Variants in VAV1 observed in about 807,000 individuals in gnomAD.
VAV1 encodes the protein vav guanine nucleotide exchange factor 1, also known as proto-oncogene vav.
A neutral mutation model predicts 128.1 loss-of-function variants in VAV1; 33 were observed. That is an observed-to-expected ratio of 0.26 (90% CI 0.20 to 0.34). The LOEUF is 0.34. Ranked by LOEUF, VAV1 falls within the 10% of genes least tolerant of loss-of-function variation. VAV1 has a pLI of 1.00. For synonymous variants in VAV1, 394 were observed against 409.8 expected (o/e 0.96, Z 0.47); for missense variants, 715 against 1,093.7 (o/e 0.65, Z 4.88).
At chr19:6,837,853 C>A (rs1385172389) in intron 21 of VAV1, among the ~76,000 whole-genome samples, 1 of 152,114 alleles carries the variant, frequency 6.6e-6, no homozygotes, top group African/African-American at 2.4e-5. Context: ...CATGCATAAC[C>A]AGAGCAAGAT....
chr19:6,806,606 T>C lies in VAV1; in HGVS notation c.205-14096T>C, dbSNP rs1335060309. Among the ~76,000 whole-genome samples, 3 of 152,200 alleles carry C rather than the reference T, an allele frequency of 2.0e-5. No individual in the cohort carries two copies. In the East Asian group the frequency reaches 5.8e-4, roughly 29 times the overall value. On this transcript the variant is annotated intron_variant, in intron 1 of 26. Coordinates refer to ENST00000602142, the MANE Select transcript of VAV1 (RefSeq NM_005428.4). Reference sequence around the variant, plus strand: ...TGCTCCAGACCGCCTAACCTCACTCTTGACCAACACAGCGGAGAGTAAATC... The same window carrying C: ...TGCTCCAGACCGCCTAACCTCACTCCTGACCAACACAGCGGAGAGTAAATC...
chr19:6,854,937 G>A (rs1027145695), intron 26 of VAV1, among the ~76,000 whole-genome samples: 1 of 152,198 alleles, frequency 6.6e-6, no homozygotes, highest in Non-Finnish European at 1.5e-5. Flanking sequence ...CCTGGGGTGA[G>A]AGGTGCCTAA....
At chr19:6,808,205 G>A (rs528146087) in intron 1 of VAV1, among the ~76,000 whole-genome samples, 5 of 151,582 alleles carry the variant, frequency 3.3e-5, no homozygotes, top group African/African-American at 1.2e-4. Context: ...CCAGCTACTC[G>A]AGAGGCTGAA....
chr19:6,826,020 G>C lies in VAV1; in HGVS notation c.828-592G>C, dbSNP rs1971908225. Among the ~76,000 whole-genome samples, 1 of 151,692 alleles carries C rather than the reference G, an allele frequency of 6.6e-6. No individual in the cohort carries two copies. Among genetic ancestry groups the C allele is most frequent in the South Asian group, 2.1e-4 (1 of 4,806 alleles). ...ATCATGCCACTGGACTCCAGCCTAGGCAACAGAGCAAGACTCTGTCTCAGA... is the reference window on the plus strand; with the variant it reads ...ATCATGCCACTGGACTCCAGCCTAGCCAACAGAGCAAGACTCTGTCTCAGA... On this transcript the variant is annotated intron_variant, in intron 8 of 26. Coordinates refer to ENST00000602142, the MANE Select transcript of VAV1 (RefSeq NM_005428.4). The surrounding 1 kb of genome is among the most constrained non-coding windows in gnomAD (Gnocchi z 4.1).
At chr19:6,802,720 G>C (rs776894914) in intron 1 of VAV1, among the ~76,000 whole-genome samples, 1 of 152,204 alleles carries the variant, frequency 6.6e-6, no homozygotes, top group African/African-American at 2.4e-5. Flanking sequence ...GGTTCAAAGA[G>C]GCAGTGTTGT....
intron 14 of VAV1, among the ~76,000 whole-genome samples, chr19:6,830,292 C>A (rs771052840): frequency 6.6e-6 from 1 of 151,966 alleles, no homozygotes; most frequent in East Asian, 1.9e-4. Context: ...CTCTTGACCC[C>A]GTGATCCACC....
intron 1 of VAV1, among the ~76,000 whole-genome samples, chr19:6,796,966 G>A (rs778528187): frequency 1.2e-4 from 18 of 152,250 alleles, no homozygotes; most frequent in Middle Eastern, 3.4e-3. Flanking sequence ...GGCCAGGCAC[G>A]GTGGCTCACA....
Position 6,822,569 on chromosome 19 carries a change from A to G in VAV1, c.654+55A>G. The G allele has an allele frequency of 2.0e-6, 3 of 1,499,212 alleles. No homozygotes were observed. Among genetic ancestry groups the G allele is most frequent in the Non-Finnish European group, 2.7e-6 (3 of 1,112,558 alleles). 92.9% of individuals were successfully genotyped at this position (1,499,212 alleles called of 1,614,324 possible). A position where few individuals can be genotyped will look rare whatever the true frequency, so the allele number is the denominator to read the frequency against. ...GCGCATGCGCGGGAGCTGGGCCGGCAGGTGCACGTCCACCTGTCCGGCCGC... is the reference window on the plus strand; with the variant it reads ...GCGCATGCGCGGGAGCTGGGCCGGCGGGTGCACGTCCACCTGTCCGGCCGC... On this transcript the variant is annotated intron_variant, in intron 6 of 26. Transcript: ENST00000602142. This position sits in a 1 kb window ranked among gnomAD's most constrained non-coding sequence, Gnocchi z 5.9.
intron 1 of VAV1, among the ~76,000 whole-genome samples, chr19:6,814,675 T>TTCCTTTCTTC (rs1568299213): frequency 3.9e-5 from 3 of 77,166 alleles, no homozygotes; most frequent in South Asian, 4.4e-4. Context: ...TTCCTTCCTT[T>TTCCTTTCTTC]CTTTCTTTCT....
intron 1 of VAV1, among the ~76,000 whole-genome samples, chr19:6,797,047 C>A (rs1033359403): frequency 1.1e-4 from 17 of 151,782 alleles, no homozygotes; most frequent in African/African-American, 3.6e-4. Flanking sequence ...GCCCAGCCAA[C>A]GTGACAAAAC....
chr19:6,846,397 G>A (rs1195124807), intron 22 of VAV1, among the ~76,000 whole-genome samples: 2 of 150,850 alleles, frequency 1.3e-5, no homozygotes, highest in African/African-American at 4.8e-5. Flanking sequence ...GACCAGTTTG[G>A]CCTACATGGT....
At chr19:6,844,627 C>T (rs1324101952) in intron 22 of VAV1, among the ~76,000 whole-genome samples, 1 of 151,920 alleles carries the variant, frequency 6.6e-6, no homozygotes, top group Non-Finnish European at 1.5e-5. Context: ...AAATTGAGGC[C>T]CAGAGAGGCA....
At chr19:6,791,597 G>A (rs1021168281) in intron 1 of VAV1, among the ~76,000 whole-genome samples, 1 of 152,206 alleles carries the variant, frequency 6.6e-6, no homozygotes, top group African/African-American at 2.4e-5. Context: ...ATCTTACAAA[G>A]TCGTTTTCTC....
chr19:6,803,019 G>A (rs1971307878), intron 1 of VAV1, among the ~76,000 whole-genome samples: 1 of 152,180 alleles, frequency 6.6e-6, no homozygotes, highest in South Asian at 2.1e-4. Flanking sequence ...GAAACTGGGA[G>A]GCAACAAATT....
Position 6,809,376 on chromosome 19 carries a change from C to T in VAV1, c.205-11326C>T, listed in dbSNP as rs753827846. On this transcript the variant is annotated intron_variant, in intron 1 of 26. Coordinates refer to ENST00000602142, the MANE Select transcript of VAV1 (RefSeq NM_005428.4). ...GGTTACAGGCATGAGCCACCATACC[C>T]GGCAATTCTCTTTGGCTGGTAGGAG... Among the ~76,000 whole-genome samples the T allele has an allele frequency of 1.2e-4, 19 of 152,240 alleles. 1 individual carries two copies. Among genetic ancestry groups the T allele is most frequent in the East Asian group, 5.8e-4 (3 of 5,176 alleles).
chr19:6,779,501 C>T lies in VAV1; in HGVS notation c.204+6490C>T, dbSNP rs1420948676. The stretch of plus-strand genomic sequence containing the variant: ...ATAATTATTCTTTATAACATGACTG[C>T]GTATTCCATTTATTTCAAGAAAGAC... On this transcript the variant is annotated intron_variant, in intron 1 of 26. Coordinates refer to ENST00000602142, the MANE Select transcript of VAV1 (RefSeq NM_005428.4). Among the ~76,000 whole-genome samples the T allele has an allele frequency of 6.0e-5, 9 of 150,996 alleles. 2 individuals are homozygous for T. The highest frequency in any genetic ancestry group is 1.3e-4 in the Non-Finnish European group (9 of 67,480).
chr19:6,833,560 G>A lies in VAV1; in HGVS notation c.1643G>A (p.Arg548Gln), dbSNP rs773293298. The A allele has an allele frequency of 1.9e-5, 31 of 1,611,474 alleles. No individual in the cohort carries two copies. The highest frequency in any genetic ancestry group is 2.2e-5 in the East Asian group (1 of 44,834). ...GTFYQGYRCH[R>Q]CRASAHKECL... is the part of the protein sequence containing the mutation. ...TTCTATCAGGGCTACCGCTGCCATC[G>A]GTGCCGGGCATCTGCACACAAGGAG... The change falls in exon 17 of 27, where the codon CGG becomes CAG. Residue 548 changes from arginine (R) to glutamine (Q), a missense_variant. Physicochemically the swap from Arg to Gln is conservative, Grantham distance 43. This residue lies in a region of VAV1 where 407 missense variants were observed against 580.6 expected (regional missense o/e 0.70). Coordinates refer to ENST00000602142, the MANE Select transcript of VAV1 (RefSeq NM_005428.4).
At chr19:6,800,317 T>TA (rs1971238191) in intron 1 of VAV1, among the ~76,000 whole-genome samples, 1 of 150,840 alleles carries the variant, frequency 6.6e-6, no homozygotes, top group South Asian at 2.1e-4. Context: ...TCTGTCTCAT[T>TA]TTTTTTTTTT....
rs188006638 is a variant in VAV1, at chr19:6,810,485, C to T, written c.205-10217C>T. Among the ~76,000 whole-genome samples, 289 of 152,090 alleles carry T rather than the reference C, an allele frequency of 1.9e-3. 5 individuals carry two copies. The Middle Eastern group carries it at 0.044, about 23-fold the overall frequency. On this transcript the variant is annotated intron_variant, in intron 1 of 26. Transcript: ENST00000602142. ...TTGAGAGGCAGAGGTGGGTGGATCCCCTGAGGTCAGGAGTTCGAGACCAGC... is the reference window on the plus strand; with the variant it reads ...TTGAGAGGCAGAGGTGGGTGGATCCTCTGAGGTCAGGAGTTCGAGACCAGC...
Sources: gnomAD v4.1 joint callset for allele counts (sites outside exome capture counted in the v4.1 genomes callset) on GRCh38, gnomAD v4.1.1 for gene constraint, gnomAD v4.1.1 regional missense constraint, Gnocchi (gnomAD v3.1) non-coding constraint, MANE v1.5 for transcripts, NCBI Gene and HGNC (gene_info 2026-07-23, HGNC 2026-07-21) for gene names.